ATP8B4: variants seen among roughly 807,000 people sequenced by gnomAD.
ATP8B4 encodes ATPase phospholipid transporting 8B4 (putative).
Under a neutral mutation model 145.6 loss-of-function variants are expected in ATP8B4, and 133 were observed. The observed-to-expected ratio is 0.91, with a 90% CI of 0.79 to 1.05. ATP8B4 has a LOEUF of 1.05. Among genes scored for constraint, ATP8B4 ranks in the 50% least tolerant of loss-of-function variants. The pLI is 0.00. For missense variants in ATP8B4, 1,458 were observed against 1,425.2 expected (o/e 1.02, Z -0.37); for synonymous variants, 507 against 492.9 (o/e 1.03, Z -0.38).
intron 1 of ATP8B4, among the ~76,000 whole-genome samples, chr15:50,137,203 C>A (rs749434568): frequency 6.6e-6 from 1 of 152,224 alleles, no homozygotes; most frequent in Non-Finnish European, 1.5e-5. Context: ...ACATTCCATT[C>A]ATCCAACAAG....
chr15:50,162,802 G>A (rs936515049), intron 1 of ATP8B4, among the ~76,000 whole-genome samples: 6 of 152,096 alleles, frequency 3.9e-5, no homozygotes, highest in South Asian at 2.1e-4. Context: ...CACCGCGCCC[G>A]GCCTCTTTTT....
chr15:50,107,532 T>C (rs2056745244), intron 1 of ATP8B4, among the ~76,000 whole-genome samples: 1 of 152,184 alleles, frequency 6.6e-6, no homozygotes, highest in Non-Finnish European at 1.5e-5. Context: ...AATATCATTA[T>C]TATATTTCAT....
intron 2 of ATP8B4, among the ~76,000 whole-genome samples, chr15:50,083,831 C>G (rs563565682): frequency 6.6e-6 from 1 of 152,174 alleles, no homozygotes; most frequent in African/African-American, 2.4e-5. Flanking sequence ...TTATTGAGCT[C>G]GTTTGAGCAA....
chr15:50,081,895 G>C (rs1192174896), intron 2 of ATP8B4, among the ~76,000 whole-genome samples: 2 of 152,210 alleles, frequency 1.3e-5, no homozygotes, highest in Non-Finnish European at 2.9e-5. Context: ...AAATGATGAA[G>C]CACCATGGAG....
At chr15:50,112,808 C>T (rs1433894215) in intron 1 of ATP8B4, among the ~76,000 whole-genome samples, 2 of 152,000 alleles carry the variant, frequency 1.3e-5, no homozygotes, top group Non-Finnish European at 2.9e-5. Context: ...ACTTTTTCTC[C>T]TCTTACTCCA....
intron 3 of ATP8B4, among the ~76,000 whole-genome samples, chr15:50,063,722 C>T (rs924957687): frequency 3.3e-5 from 5 of 152,054 alleles, no homozygotes; most frequent in Non-Finnish European, 5.9e-5. Context: ...GAGGAACCCA[C>T]TTGAAGAAGT....
chr15:50,027,121 C>T (rs868668584), intron 6 of ATP8B4, among the ~76,000 whole-genome samples: 37 of 152,098 alleles, frequency 2.4e-4, no homozygotes, highest in African/African-American at 8.7e-4. Flanking sequence ...CAATGAAATC[C>T]CTGCCACTAG....
At chr15:50,068,251 T>C (rs940154584) in intron 3 of ATP8B4, among the ~76,000 whole-genome samples, 1 of 152,318 alleles carries the variant, frequency 6.6e-6, no homozygotes, top group African/African-American at 2.4e-5. Flanking sequence ...GGAGTTCATG[T>C]TGCAGGGAGC....
intron 14 of ATP8B4, among the ~76,000 whole-genome samples, chr15:49,949,725 G>C (rs762978572): frequency 3.9e-5 from 6 of 152,010 alleles, no homozygotes; most frequent in Non-Finnish European, 8.8e-5. Flanking sequence ...AATGGTGAGA[G>C]AGGGCATCTT....
At chr15:50,011,185 T>C (rs1231885954) in intron 6 of ATP8B4, among the ~76,000 whole-genome samples, 3 of 152,152 alleles carry the variant, frequency 2.0e-5, no homozygotes, top group African/African-American at 7.2e-5. Context: ...CCACCTATGG[T>C]GCCAGCTTTA....
At chr15:50,072,999 TATATATATATATATATATATACACACAC>T (rs2053918935) in intron 3 of ATP8B4, among the ~76,000 whole-genome samples, 4 of 52,358 alleles carry the variant, frequency 7.6e-5, no homozygotes, top group Admixed American at 3.7e-4. Context: ...TATATATATA[TATATATATATATATATATATACACACAC>T]ACACACACAC....
intron 17 of ATP8B4, among the ~76,000 whole-genome samples, chr15:49,922,660 C>T (rs527602799): frequency 1.3e-5 from 2 of 152,086 alleles, no homozygotes; most frequent in South Asian, 2.1e-4. Flanking sequence ...GACCAGATGC[C>T]CTTAAATGGA....
chr15:49,932,264 AT>A (rs113829587), intron 15 of ATP8B4, among the ~76,000 whole-genome samples: 2 of 152,066 alleles, frequency 1.3e-5, no homozygotes, highest in African/African-American at 4.8e-5. Flanking sequence ...ATATGTATAT[AT>A]TTATGAGCCA....
chr15:50,167,281 T>C (rs1026466132), intron 1 of ATP8B4, among the ~76,000 whole-genome samples: 3 of 152,202 alleles, frequency 2.0e-5, no homozygotes, highest in African/African-American at 7.2e-5. Context: ...TGTCTCACAG[T>C]TCTGGAGGAC....
intron 2 of ATP8B4, among the ~76,000 whole-genome samples, chr15:50,095,071 A>T (rs895058389): frequency 6.6e-6 from 1 of 152,148 alleles, no homozygotes; most frequent in African/African-American, 2.4e-5. Flanking sequence ...TGATGTATTC[A>T]TTCAAACATC....
At chr15:50,160,191 C>A (rs1377259686) in intron 1 of ATP8B4, among the ~76,000 whole-genome samples, 1 of 151,614 alleles carries the variant, frequency 6.6e-6, no homozygotes, top group Non-Finnish European at 1.5e-5. Context: ...CATATAGCTG[C>A]TCATAGTAAC....
chr15:50,007,747 G>C (rs532045768), intron 7 of ATP8B4, among the ~76,000 whole-genome samples: 1 of 152,108 alleles, frequency 6.6e-6, no homozygotes, highest in African/African-American at 2.4e-5. Context: ...GCCCCTGCCA[G>C]CTGATACCAG....
chr15:49,919,161 G>A (rs1364576290), intron 18 of ATP8B4, among the ~76,000 whole-genome samples: 2 of 152,198 alleles, frequency 1.3e-5, no homozygotes, highest in Non-Finnish European at 2.9e-5. Flanking sequence ...ACTTAGCAGA[G>A]ATCTTGGGAC....
At chr15:50,134,832 T>C (rs1210908490) in intron 1 of ATP8B4, among the ~76,000 whole-genome samples, 1 of 152,134 alleles carries the variant, frequency 6.6e-6, no homozygotes, top group Non-Finnish European at 1.5e-5. Flanking sequence ...TTGACAAAAA[T>C]AAGGAGAGTG....
Sources: allele counts gnomAD v4.1 joint callset (sites outside exome capture counted in the v4.1 genomes callset), GRCh38; gene constraint gnomAD v4.1.1; transcripts MANE v1.5; gene names NCBI Gene and HGNC (gene_info 2026-07-23, HGNC 2026-07-21).